Variants in FRS2 observed in about 807,000 individuals in gnomAD.
FRS2 encodes fibroblast growth factor receptor substrate 2.
Under a neutral mutation model 43.9 loss-of-function variants are expected in FRS2, and 8 were observed. The observed-to-expected ratio is 0.18, with a 90% confidence interval of 0.11 to 0.33. FRS2 has a LOEUF of 0.33. FRS2 is among the 10% of genes least tolerant of loss of function. The probability of loss-of-function intolerance (pLI) is 1.00; values close to 1 mark genes in which losing one functional copy is unlikely to be tolerated. For missense variants in FRS2, 534 were observed against 627.6 expected (o/e 0.85, Z 1.59); for synonymous variants, 219 against 220.3 (o/e 0.99, Z 0.05).
At position 69,520,376 on chromosome 12, in the gene FRS2, GTT is replaced by G. The variant is rs112572825; in HGVS notation, c.-260-10471_-260-10470del. Among the ~76,000 whole-genome samples the G allele has an allele frequency of 5.3e-3, 588 of 109,996 alleles. 12 individuals carry two copies. The East Asian group carries it at 0.1, about 19-fold the overall frequency. 72.2% of individuals were successfully genotyped at this position (109,996 alleles called of 152,430 possible). On this transcript the variant is annotated intron_variant, in intron 1 of 8. Coordinates refer to ENST00000549921, the MANE Select transcript of FRS2 (RefSeq NM_001278356.2). ...GGTTGTCTCTTTTCCTCTATTATTA[GTT>G]TTTTTTTTTTTTTTTTTGCTGGGCA... is the stretch of plus-strand genomic sequence containing the variant.
At chr12:69,477,899 C>G (rs554212398) in intron 1 of FRS2, among the ~76,000 whole-genome samples, 1 of 151,638 alleles carries the variant, frequency 6.6e-6, no homozygotes, top group Admixed American at 6.6e-5. Context: ...CACCACCACG[C>G]CCGGCTAATT....
intron 1 of FRS2, among the ~76,000 whole-genome samples, chr12:69,524,500 G>A (rs899471203): frequency 2.0e-5 from 3 of 151,954 alleles, no homozygotes; most frequent in African/African-American, 4.8e-5. Flanking sequence ...GCTGTGATGC[G>A]GCCCCCAGGA....
At chr12:69,481,918 G>A (rs1425703748) in intron 1 of FRS2, among the ~76,000 whole-genome samples, 1 of 151,418 alleles carries the variant, frequency 6.6e-6, no homozygotes, top group African/African-American at 2.4e-5. Flanking sequence ...TCAAGATATA[G>A]TCTGGTTCTT....
At chr12:69,484,094 T>C (rs1323221946) in intron 1 of FRS2, among the ~76,000 whole-genome samples, 1 of 150,314 alleles carries the variant, frequency 6.7e-6, no homozygotes. Flanking sequence ...AGCTTTTCTT[T>C]CTTTTTTTTT....
At chr12:69,507,221 A>G (rs765523865) in intron 1 of FRS2, among the ~76,000 whole-genome samples, 11 of 152,190 alleles carry the variant, frequency 7.2e-5, no homozygotes, top group Non-Finnish European at 1.5e-4. Context: ...TACACTAGTC[A>G]ATTTCAAACT....
At chr12:69,572,927 T>G (rs1425847040) in intron 8 of FRS2, among the ~76,000 whole-genome samples, 1 of 152,060 alleles carries the variant, frequency 6.6e-6, no homozygotes, top group Non-Finnish European at 1.5e-5. Flanking sequence ...ACCTCCCGGG[T>G]TCAAGCAGCT....
intron 1 of FRS2, among the ~76,000 whole-genome samples, chr12:69,471,925 A>G (rs1870335485): frequency 6.6e-6 from 1 of 152,212 alleles, no homozygotes; most frequent in Admixed American, 6.5e-5. Context: ...AATCAGGAAA[A>G]ATAGACTGAA....
intron 1 of FRS2, among the ~76,000 whole-genome samples, chr12:69,530,182 GCTTACAACAATTAATGATA>G (rs1876652890): frequency 2.7e-5 from 4 of 146,180 alleles, no homozygotes; most frequent in African/African-American, 1.1e-4. Flanking sequence ...GATAATAATT[GCTTACAACAATTAATGATA>G]ATAATTGTTT....
Position 69,524,064 on chromosome 12 carries a change from A to G in FRS2, c.-260-6801A>G, listed in dbSNP as rs534651863. On this transcript the variant is annotated intron_variant, in intron 1 of 8. Transcript: ENST00000549921. ...CAGGCATTTGCAGCAGCTGGGTGGC[A>G]GCATGGCTGGAGGAGGGCAGGGGGT... 7.2e-5 allele frequency among the ~76,000 whole-genome samples: 11 copies of G among 152,358 alleles called. No individual in the cohort carries two copies. In the South Asian group the frequency reaches 1.2e-3, roughly 17 times the overall value.
intron 8 of FRS2, among the ~76,000 whole-genome samples, chr12:69,573,599 A>G (rs1184122182): frequency 6.6e-6 from 1 of 152,120 alleles, no homozygotes; most frequent in Non-Finnish European, 1.5e-5. Flanking sequence ...AGTAGCTAGG[A>G]TTACAGGCGC....
chr12:69,528,710 T>G (rs1400927253), intron 1 of FRS2, among the ~76,000 whole-genome samples: 1 of 152,232 alleles, frequency 6.6e-6, no homozygotes. Context: ...CTCCCAAATT[T>G]ATAATTTACT....
Position 69,574,659 on chromosome 12 carries a change from A to G in FRS2, c.1231A>G (p.Arg411Gly), listed in dbSNP as rs769656225. 42 of 1,614,208 alleles carry G rather than the reference A, an allele frequency of 2.6e-5. No homozygotes were observed. Among genetic ancestry groups the G allele is most frequent in the Non-Finnish European group, 3.2e-5 (38 of 1,180,042 alleles). The change falls in exon 9 of 9, where the codon AGG becomes GGG. Residue 411 changes from arginine to glycine, a missense_variant. Arg to Gly is a moderately radical substitution (Grantham distance 125). This residue lies in a region of FRS2 where 446 missense variants were observed against 494.2 expected (regional missense o/e 0.90). Coordinates refer to ENST00000549921, the MANE Select transcript of FRS2 (RefSeq NM_001278356.2). ...PASAHKIEYSRRRDCTPTVFN... is the reference protein window; with the variant it reads ...PASAHKIEYSGRRDCTPTVFN... ...AAGTGCTCACAAAATAGAATATTCA[A>G]GGCGTCGGGACTGTACACCAACAGT... is the stretch of plus-strand genomic sequence containing the variant.
intron 1 of FRS2, among the ~76,000 whole-genome samples, chr12:69,515,420 C>G (rs1262238636): frequency 1.3e-5 from 2 of 152,214 alleles, no homozygotes; most frequent in Admixed American, 1.3e-4. Flanking sequence ...CACTTTGCCT[C>G]AGACTACAAC....
At chr12:69,517,949 T>A (rs1471521009) in intron 1 of FRS2, among the ~76,000 whole-genome samples, 1 of 152,180 alleles carries the variant, frequency 6.6e-6, no homozygotes, top group East Asian at 1.9e-4. Context: ...TCTTTTTTCC[T>A]CTTCTTCTTA....
At chr12:69,555,752 A>G (rs899945897) in intron 3 of FRS2, among the ~76,000 whole-genome samples, 1 of 152,212 alleles carries the variant, frequency 6.6e-6, no homozygotes, top group Non-Finnish European at 1.5e-5. Flanking sequence ...CCAAGGGATG[A>G]CTATACAGAA....
chr12:69,578,644 C>T lies in FRS2; in HGVS notation c.*3689C>T, dbSNP rs1881347458. 6.6e-6 allele frequency: 1 copy of T among 152,520 alleles called. No individual in the cohort carries two copies. Among genetic ancestry groups the T allele is most frequent in the African/African-American group, 2.4e-5 (1 of 41,404 alleles). The allele number at this position is 152,520 out of a possible 1,614,324, so 9.4% of individuals were successfully genotyped here. The stretch of plus-strand genomic sequence containing the variant: ...GTGTGCCACATTTGCATTAGTAATG[C>T]AAAATATACATTTTATAAAGGACAA... On this transcript the variant is annotated 3_prime_UTR_variant, in exon 9 of 9. Coordinates refer to ENST00000549921, the MANE Select transcript of FRS2 (RefSeq NM_001278356.2).
rs1168245151 is a variant in FRS2, at chr12:69,579,733, T to C, written c.*4778T>C. The C allele has an allele frequency of 6.6e-6, 1 of 152,222 alleles. No individual in the cohort carries two copies. The highest frequency in any genetic ancestry group is 2.4e-5 in the African/African-American group (1 of 41,446). 9.4% of individuals were successfully genotyped at this position (152,222 alleles called of 1,614,324 possible). On this transcript the variant is annotated 3_prime_UTR_variant, in exon 9 of 9. Transcript: ENST00000549921. ...TCTTTTCATGCTCACTTTCCCCTTA[T>C]TGCTGAAAGTAGATTGCAATAAAAC... is the stretch of plus-strand genomic sequence containing the variant.
intron 1 of FRS2, among the ~76,000 whole-genome samples, chr12:69,506,156 T>G (rs1873910503): frequency 6.6e-6 from 1 of 152,194 alleles, no homozygotes. Context: ...AAATTTCTGT[T>G]CATGGGGAAG....
chr12:69,489,668 CA>C (rs11334694), intron 1 of FRS2, among the ~76,000 whole-genome samples: 6,051 of 91,648 alleles, frequency 0.066, 436 homozygotes, highest in East Asian at 0.44. Context: ...GACTCCATCT[CA>C]AAAAAAAAAA....
Sources: gnomAD v4.1 joint callset for allele counts (sites outside exome capture counted in the v4.1 genomes callset) on GRCh38, gnomAD v4.1.1 for gene constraint, gnomAD v4.1.1 regional missense constraint, MANE v1.5 for transcripts, NCBI Gene and HGNC (gene_info 2026-07-23, HGNC 2026-07-21) for gene names.